The following ARG2 variants were observed in gnomAD, a reference collection of about 807,000 sequenced individuals.
ARG2 encodes the protein arginase-2, mitochondrial.
In ARG2, 21 loss-of-function variants were observed where a neutral mutation model predicts 39.4. That is an observed-to-expected ratio of 0.53 (90% CI 0.38 to 0.77). ARG2 has a LOEUF of 0.77. Ranked by LOEUF, ARG2 falls within the 30% of genes least tolerant of loss-of-function variation. ARG2 has a pLI of 0.00. For missense variants in ARG2, 378 were observed against 426.2 expected, an observed-to-expected ratio of 0.89 and a Z score of 1.00; for synonymous variants, 150 against 156.7, an observed-to-expected ratio of 0.96 and a Z score of 0.32.
At chr14:67,637,342 T>G (rs1594826137) in intron 2 of ARG2, among the ~76,000 whole-genome samples, 1 of 132,636 alleles carries the variant, frequency 7.5e-6, no homozygotes, top group Admixed American at 8.8e-5. Context: ...ACCAGGGAGG[T>G]GGAGGTTGCA....
chr14:67,629,367 C>G (rs537293459), intron 2 of ARG2, among the ~76,000 whole-genome samples: 1 of 152,288 alleles, frequency 6.6e-6, no homozygotes, highest in South Asian at 2.1e-4. Context: ...ACAAAGAAAC[C>G]TGACATATGC....
chr14:67,636,979 A>C (rs1323009787), intron 2 of ARG2, among the ~76,000 whole-genome samples: 2 of 152,240 alleles, frequency 1.3e-5, no homozygotes, highest in African/African-American at 4.8e-5. Context: ...TCCCACAGGC[A>C]TAACAGCCAG....
intron 3 of ARG2, among the ~76,000 whole-genome samples, chr14:67,644,046 T>C (rs1056212190): frequency 2.6e-5 from 4 of 152,146 alleles, no homozygotes; most frequent in African/African-American, 9.7e-5. Flanking sequence ...AGTCTCACTG[T>C]TTGGGGACCA....
chr14:67,630,841 C>T (rs2036911536), intron 2 of ARG2, among the ~76,000 whole-genome samples: 1 of 152,154 alleles, frequency 6.6e-6, no homozygotes, highest in Admixed American at 6.5e-5. Flanking sequence ...CCTTGGCCTC[C>T]CAAAGTGCTG....
chr14:67,632,807 A>ATT (rs2036931641), intron 2 of ARG2, among the ~76,000 whole-genome samples: 1 of 113,770 alleles, frequency 8.8e-6, no homozygotes, highest in African/African-American at 3.3e-5. Context: ...TAAGCCTCTT[A>ATT]ATTTTTTTTT....
chr14:67,634,306 G>A (rs901073486), intron 2 of ARG2, among the ~76,000 whole-genome samples: 39 of 151,926 alleles, frequency 2.6e-4, no homozygotes, highest in Non-Finnish European at 5.3e-4. Context: ...CTAAATGTTA[G>A]TAGGGGCTGG....
chr14:67,629,233 G>C (rs768332841), intron 2 of ARG2, among the ~76,000 whole-genome samples: 78 of 152,168 alleles, frequency 5.1e-4, no homozygotes, highest in Non-Finnish European at 8.4e-4. Context: ...CTATTCAGGA[G>C]GCTGAGGCAG....
chr14:67,646,739 G>GT lies in ARG2; in HGVS notation c.617+2dup. 1 of 1,606,672 alleles carries GT rather than the reference G, an allele frequency of 6.2e-7. No homozygotes were observed. The highest frequency in any genetic ancestry group is 8.5e-7 in the Non-Finnish European group (1 of 1,173,550). On this transcript the variant is annotated splice_donor_variant, in intron 5 of 7. Transcript: ENST00000261783. LOFTEE classifies it high-confidence loss of function. ...TGAGAGACGTGGACCCTCCTGAACA[G>GT]TAAGTTGATGCATTTGGCTGAAGTT...
At chr14:67,639,639 C>G (rs4899216) in intron 2 of ARG2, among the ~76,000 whole-genome samples, 5,212 of 152,022 alleles carry the variant, frequency 0.034, 267 homozygotes, top group African/African-American at 0.11. Context: ...CTGTACAGTA[C>G]ACTGGGTGCA....
At chr14:67,635,762 A>C (rs1456761802) in intron 2 of ARG2, among the ~76,000 whole-genome samples, 1 of 152,148 alleles carries the variant, frequency 6.6e-6, no homozygotes, top group African/African-American at 2.4e-5. Context: ...CTGAGGCAGG[A>C]GAATTGCTTG....
At chr14:67,623,534 C>CTTTTTTTTTTTT (rs60604937) in intron 2 of ARG2, among the ~76,000 whole-genome samples, 2 of 82,924 alleles carry the variant, frequency 2.4e-5, no homozygotes, top group African/African-American at 4.9e-5. Flanking sequence ...CTCAGGTAAC[C>CTTTTTTTTTTTT]TTTTTTTTTT....
At chr14:67,644,331 C>G (rs2037068920) in intron 3 of ARG2, among the ~76,000 whole-genome samples, 1 of 152,150 alleles carries the variant, frequency 6.6e-6, no homozygotes, top group Non-Finnish European at 1.5e-5. Flanking sequence ...ATCCCTATCT[C>G]ACAGAAAAGG....
chr14:67,651,316 A>G lies in ARG2; in HGVS notation c.*396A>G, dbSNP rs1402958000. 5 of 1,609,748 alleles carry G rather than the reference A, an allele frequency of 3.1e-6. No homozygotes were observed. In the African/African-American group the frequency reaches 4.0e-5, roughly 13 times the overall value. On this transcript the variant is annotated 3_prime_UTR_variant, in exon 8 of 8. Coordinates refer to ENST00000261783, the MANE Select transcript of ARG2 (RefSeq NM_001172.4). The stretch of plus-strand genomic sequence containing the variant: ...CCCACAGCAGCAATATGCTTATTCT[A>G]TCCACATCCCTAACATCATGCATTC...
intron 2 of ARG2, among the ~76,000 whole-genome samples, chr14:67,630,510 C>CGGAT (rs1434646334): frequency 2.6e-5 from 4 of 152,200 alleles, no homozygotes; most frequent in South Asian, 2.1e-4. Flanking sequence ...TCTGCTTATC[C>CGGAT]TATTGTCCAG....
rs898761834 is a variant in ARG2 at position 67,650,624 on chromosome 14, C to T, written c.860-91C>T. 7 of 1,204,670 alleles carry T rather than the reference C, an allele frequency of 5.8e-6. No homozygotes were observed. The East Asian group carries it at 1.6e-4, about 28-fold the overall frequency. 74.6% of individuals were successfully genotyped at this position (1,204,670 alleles called of 1,614,324 possible). On this transcript the variant is annotated intron_variant, in intron 7 of 7. Coordinates refer to ENST00000261783, the MANE Select transcript of ARG2 (RefSeq NM_001172.4). Reference sequence around the variant, plus strand: ...ACTATAAAATGGACTCTTGTTTTTACTTTGGCTTGTTCTCCCTGTCCCAGT... The same window carrying T: ...ACTATAAAATGGACTCTTGTTTTTATTTTGGCTTGTTCTCCCTGTCCCAGT...
intron 2 of ARG2, among the ~76,000 whole-genome samples, chr14:67,627,262 T>C (rs1170176247): frequency 6.8e-6 from 1 of 146,020 alleles, no homozygotes; most frequent in Non-Finnish European, 1.5e-5. Context: ...AGGAGATATA[T>C]ATATATATAT....
At position 67,648,010 on chromosome 14, in the gene ARG2, ATTATT is replaced by A. The variant is rs1337600323; in HGVS notation, c.723-33_723-29del. On this transcript the variant is annotated intron_variant, in intron 6 of 7. Transcript: ENST00000261783. ...AGTGTCCAAGGACAACCAGTTAAGT[ATTATT>A]TTAAGTATTATTTTATCCTCTTCCT... is the stretch of plus-strand genomic sequence containing the variant. The A allele has an allele frequency of 1.9e-6, 3 of 1,546,598 alleles. No individual in the cohort carries two copies. The South Asian group carries it at 3.5e-5, about 18-fold the overall frequency.
intron 2 of ARG2, among the ~76,000 whole-genome samples, chr14:67,635,854 A>G (rs1423201187): frequency 3.3e-5 from 5 of 152,174 alleles, no homozygotes; most frequent in African/African-American, 1.2e-4. Flanking sequence ...TTCATCTAAA[A>G]AAAATTTTTT....
At chr14:67,627,491 A>T (rs1300296637) in intron 2 of ARG2, among the ~76,000 whole-genome samples, 1 of 152,134 alleles carries the variant, frequency 6.6e-6, no homozygotes, top group East Asian at 1.9e-4. Flanking sequence ...TGAAACTGGC[A>T]TCTCTGAGGT....
Sources: gnomAD v4.1 joint callset for allele counts (sites outside exome capture counted in the v4.1 genomes callset) on GRCh38, gnomAD v4.1.1 for gene constraint, MANE v1.5 for transcripts, NCBI Gene and HGNC (gene_info 2026-07-23, HGNC 2026-07-21) for gene names.